The following PTPRG variants were observed in gnomAD, a reference collection of about 807,000 sequenced individuals.
PTPRG encodes the protein receptor-type tyrosine-protein phosphatase gamma.
PTPRG carries 102 observed loss-of-function variants against 165.3 expected under a neutral mutation model. The ratio of observed to expected loss-of-function variants is 0.62; its 90% CI spans 0.53 to 0.73. The LOEUF is 0.73. Ranked by LOEUF, PTPRG falls within the 30% of genes least tolerant of loss-of-function variation. The pLI is 0.00. For synonymous variants in PTPRG, 675 were observed against 669.5 expected (o/e 1.01, Z -0.13); for missense variants, 1,866 against 1,861.4 (o/e 1.00, Z -0.05).
At position 62,026,781 on chromosome 3, in the gene PTPRG, G is replaced by A. The variant is rs554758549; in HGVS notation, c.519+23284G>A. ...CGTGCCTGTAGTCCCAGCTACTCAG[G>A]AGTCTGAGGCAGGAGAATCGCTTGA... On this transcript the variant is annotated intron_variant, in intron 4 of 29. Transcript: ENST00000474889. Among the ~76,000 whole-genome samples the A allele has an allele frequency of 3.4e-4, 52 of 150,976 alleles. 2 individuals carry two copies. The South Asian group carries it at 9.6e-3, about 28-fold the overall frequency.
rs578183880 is a variant in PTPRG, at chr3:61,606,971, AGGCTCAGATGAC to A, written c.85+44601_85+44612del. Among the ~76,000 whole-genome samples the A allele has an allele frequency of 2.5e-3, 377 of 152,350 alleles. 1 individual carries two copies. Among genetic ancestry groups the A allele is most frequent in the African/African-American group, 8.8e-3 (364 of 41,574 alleles). On this transcript the variant is annotated intron_variant, in intron 1 of 29. Transcript: ENST00000474889. ...CGTTCAGCTGGACCAATAACTGAACAGGCTCAGATGACGTCCCCACCTACGTGATAGAAGTGA... is the reference window on the plus strand; with the variant it reads ...CGTTCAGCTGGACCAATAACTGAACAGTCCCCACCTACGTGATAGAAGTGA...
At chr3:61,888,498 T>A (rs534559630) in intron 2 of PTPRG, among the ~76,000 whole-genome samples, 1 of 152,046 alleles carries the variant, frequency 6.6e-6, no homozygotes, top group Non-Finnish European at 1.5e-5. Flanking sequence ...GCGCGGCTAA[T>A]TTTTTTGTAT....
chr3:61,998,242 G>A (rs926862959), intron 3 of PTPRG, among the ~76,000 whole-genome samples: 3 of 152,146 alleles, frequency 2.0e-5, no homozygotes, highest in Non-Finnish European at 2.9e-5. Flanking sequence ...CCTGACCCAC[G>A]CTTTGCCCTG....
chr3:61,810,510 T>G (rs2035543653), intron 2 of PTPRG, among the ~76,000 whole-genome samples: 1 of 152,166 alleles, frequency 6.6e-6, no homozygotes, highest in African/African-American at 2.4e-5. Flanking sequence ...GGATACCTTA[T>G]TTAGCATTGT....
At chr3:61,644,792 TTCTG>T (rs1329000647) in intron 1 of PTPRG, among the ~76,000 whole-genome samples, 36 of 152,218 alleles carry the variant, frequency 2.4e-4, no homozygotes. Context: ...ACTCTCCCCT[TTCTG>T]TCTCTAGTTG....
chr3:61,744,963 A>ATTC (rs1166672807), intron 1 of PTPRG, among the ~76,000 whole-genome samples: 2 of 151,786 alleles, frequency 1.3e-5, no homozygotes, highest in Non-Finnish European at 2.9e-5. Flanking sequence ...ACATGCATAG[A>ATTC]TACACACACA....
At chr3:61,981,535 T>C (rs1349973227) in intron 2 of PTPRG, among the ~76,000 whole-genome samples, 1 of 152,200 alleles carries the variant, frequency 6.6e-6, no homozygotes, top group African/African-American at 2.4e-5. Context: ...GTATGGATAA[T>C]CATGTTTAGT....
chr3:62,266,462 C>A (rs150391841), intron 17 of PTPRG, among the ~76,000 whole-genome samples: 4 of 152,050 alleles, frequency 2.6e-5, no homozygotes, highest in African/African-American at 9.7e-5. Flanking sequence ...TAAGGCATAA[C>A]GGTTTGGATC....
At chr3:62,130,938 AT>A (rs56082401) in intron 5 of PTPRG, among the ~76,000 whole-genome samples, 36,557 of 147,788 alleles carry the variant, frequency 0.25, 4,843 homozygotes, top group East Asian at 0.56. Context: ...CTATTCACTG[AT>A]TTTTTTTTTT....
chr3:62,208,474 G>C (rs1022438489), intron 12 of PTPRG, among the ~76,000 whole-genome samples: 3 of 152,168 alleles, frequency 2.0e-5, no homozygotes, highest in Admixed American at 2.0e-4. Flanking sequence ...CAGAAACTCA[G>C]TATGTGAACA....
chr3:61,731,613 C>T (rs2032505049), intron 1 of PTPRG, among the ~76,000 whole-genome samples: 1 of 152,058 alleles, frequency 6.6e-6, no homozygotes, highest in Non-Finnish European at 1.5e-5. Context: ...TCCCAAAGTG[C>T]TGGGATTACA....
At chr3:62,025,205 G>T (rs2041779120) in intron 4 of PTPRG, among the ~76,000 whole-genome samples, 1 of 152,114 alleles carries the variant, frequency 6.6e-6, no homozygotes, top group Admixed American at 6.6e-5. Flanking sequence ...CAGTGCTTAA[G>T]AAATGAACTA....
chr3:61,973,519 A>G (rs551096545), intron 2 of PTPRG, among the ~76,000 whole-genome samples: 1 of 151,920 alleles, frequency 6.6e-6, no homozygotes, highest in South Asian at 2.1e-4. Flanking sequence ...GCCAAATAGG[A>G]CTCTTCATTG....
At chr3:61,615,261 C>A (rs563137175) in intron 1 of PTPRG, among the ~76,000 whole-genome samples, 1 of 152,198 alleles carries the variant, frequency 6.6e-6, no homozygotes. Flanking sequence ...TTTAGAATCA[C>A]GTGTCTGTTG....
At chr3:62,251,551 A>C (rs893467296) in intron 15 of PTPRG, among the ~76,000 whole-genome samples, 9 of 152,082 alleles carry the variant, frequency 5.9e-5, no homozygotes, top group Non-Finnish European at 1.2e-4. Flanking sequence ...TGGGAGGATC[A>C]CTTGAGCTCA....
chr3:61,607,955 A>G (rs536413937), intron 1 of PTPRG, among the ~76,000 whole-genome samples: 10 of 152,110 alleles, frequency 6.6e-5, no homozygotes, highest in Non-Finnish European at 1.2e-4. Flanking sequence ...AGATCATTCT[A>G]ATATTTCCAG....
At chr3:62,060,304 A>G (rs1399706249) in intron 4 of PTPRG, among the ~76,000 whole-genome samples, 1 of 152,120 alleles carries the variant, frequency 6.6e-6, no homozygotes, top group African/African-American at 2.4e-5. Flanking sequence ...TAAGAAGGAA[A>G]CTGAAGAACT....
intron 4 of PTPRG, among the ~76,000 whole-genome samples, chr3:62,075,862 C>CT (rs1701363672): frequency 6.6e-6 from 1 of 152,072 alleles, no homozygotes; most frequent in Non-Finnish European, 1.5e-5. Flanking sequence ...CATGAAAGAA[C>CT]TAATTATATA....
At chr3:62,189,788 C>T (rs1177813828) in intron 8 of PTPRG, among the ~76,000 whole-genome samples, 1 of 152,194 alleles carries the variant, frequency 6.6e-6, no homozygotes, top group Non-Finnish European at 1.5e-5. Flanking sequence ...CACTCTGGGG[C>T]TCAGTTCTTT....
Sources: allele counts gnomAD v4.1 joint callset (sites outside exome capture counted in the v4.1 genomes callset), GRCh38; gene constraint gnomAD v4.1.1; transcripts MANE v1.5; gene names NCBI Gene and HGNC (gene_info 2026-07-23, HGNC 2026-07-21).